CCDC149: variants seen among roughly 807,000 people sequenced by gnomAD.
The protein encoded by CCDC149 is coiled-coil domain containing 149.
In CCDC149, 45 loss-of-function variants were observed where a neutral mutation model predicts 59.9. The ratio of observed to expected loss-of-function variants is 0.75; its 90% CI spans 0.59 to 0.96. The LOEUF is 0.96. CCDC149 is among the 40% of genes least tolerant of loss of function. The pLI, the probability that CCDC149 is intolerant of heterozygous loss-of-function variation, is 0.00. For synonymous variants in CCDC149, 245 were observed against 260.6 expected (o/e 0.94, Z 0.58); for missense variants, 584 against 664.7 (o/e 0.88, Z 1.33).
intron 1 of CCDC149, among the ~76,000 whole-genome samples, chr4:24,918,401 T>C (rs1208006297): frequency 1.3e-5 from 2 of 152,196 alleles, no homozygotes; most frequent in African/African-American, 4.8e-5. Flanking sequence ...CGGATGTTGA[T>C]TTTTATCCAT....
chr4:24,915,093 G>A (rs1722086912), upstream of CCDC149, among the ~76,000 whole-genome samples: 3 of 152,192 alleles, frequency 2.0e-5, no homozygotes, highest in South Asian at 6.2e-4. Flanking sequence ...GACCATTCTG[G>A]GCTGCCTAAC....
At chr4:24,862,547 T>C (rs556520891) in intron 3 of CCDC149, among the ~76,000 whole-genome samples, 1 of 152,322 alleles carries the variant, frequency 6.6e-6, no homozygotes, top group Admixed American at 6.5e-5. Context: ...TATACTTACA[T>C]GATTGCTGGT....
At chr4:24,882,846 TAC>T (rs1314525288) in intron 1 of CCDC149, among the ~76,000 whole-genome samples, 1 of 152,232 alleles carries the variant, frequency 6.6e-6, no homozygotes, top group African/African-American at 2.4e-5. Context: ...TACAAATCTC[TAC>T]AGTCTCGATG....
At chr4:24,931,825 GTATGTA>G (rs1244804795) in intron 1 of CCDC149, among the ~76,000 whole-genome samples, 20 of 70,456 alleles carry the variant, frequency 2.8e-4, no homozygotes, top group African/African-American at 4.1e-4. Context: ...TGTATGGAGA[GTATGTA>G]TATATATATA....
At chr4:24,826,253 C>A (rs1715732012) in intron 9 of CCDC149, among the ~76,000 whole-genome samples, 1 of 152,124 alleles carries the variant, frequency 6.6e-6, no homozygotes, top group South Asian at 2.1e-4. Context: ...AGCCACCGTG[C>A]CCAGCCCAGT....
At chr4:24,886,187 T>C (rs1040123961) in intron 1 of CCDC149, among the ~76,000 whole-genome samples, 2 of 152,166 alleles carry the variant, frequency 1.3e-5, no homozygotes, top group Admixed American at 1.3e-4. Context: ...CAAAGGAATA[T>C]ATTGGAAGGA....
intron 1 of CCDC149, among the ~76,000 whole-genome samples, chr4:24,887,900 T>G (rs1720289545): frequency 6.6e-6 from 1 of 152,122 alleles, no homozygotes; most frequent in African/African-American, 2.4e-5. Flanking sequence ...CATCATCAGC[T>G]CTTCTACTCC....
intron 1 of CCDC149, among the ~76,000 whole-genome samples, chr4:24,924,193 A>G (rs896280316): frequency 2.0e-5 from 3 of 152,140 alleles, no homozygotes; most frequent in African/African-American, 7.2e-5. Context: ...ACTCTGACCC[A>G]AAAGATCTTA....
chr4:24,938,591 C>A (rs191166649), intron 1 of CCDC149, among the ~76,000 whole-genome samples: 1 of 152,136 alleles, frequency 6.6e-6, no homozygotes, highest in African/African-American at 2.4e-5. Flanking sequence ...CGAAGCAGGG[C>A]GAGGAATCAC....
chr4:24,932,918 G>A (rs916356988), intron 1 of CCDC149, among the ~76,000 whole-genome samples: 13 of 152,284 alleles, frequency 8.5e-5, no homozygotes, highest in Admixed American at 5.9e-4. Flanking sequence ...TCTGGGAGAG[G>A]AGCCTTGTTC....
chr4:24,934,383 C>T (rs1722675640), intron 1 of CCDC149, among the ~76,000 whole-genome samples: 1 of 152,204 alleles, frequency 6.6e-6, no homozygotes, highest in Admixed American at 6.5e-5. Context: ...CTTTGCTTTC[C>T]ACCAGTGTTG....
intron 1 of CCDC149, among the ~76,000 whole-genome samples, chr4:24,905,403 TTGCGTGCGTGCG>T (rs747658690): frequency 1.4e-5 from 2 of 141,170 alleles, no homozygotes; most frequent in African/African-American, 5.4e-5. Context: ...TTCTTTCTTT[TTGCGTGCGTGCG>T]TGTGTGTGTG....
rs374972531 is a variant in CCDC149, at chr4:24,854,711, C to T, written c.265-1532G>A. On this transcript the variant is annotated intron_variant, in intron 3 of 12. Coordinates refer to ENST00000635206, the MANE Select transcript of CCDC149 (RefSeq NM_001330643.2). ...AAGATAACGATTACATGTTGGCTGACCTCCCGTATCCCATTTGTTGGGATA... is the reference window on the plus strand; with the variant it reads ...AAGATAACGATTACATGTTGGCTGATCTCCCGTATCCCATTTGTTGGGATA... 2.0e-5 allele frequency among the ~76,000 whole-genome samples: 3 copies of T among 152,288 alleles called. No individual in the cohort carries two copies. The East Asian group carries it at 5.8e-4, about 29-fold the overall frequency.
At chr4:24,818,592 C>A (rs1468519858) in intron 12 of CCDC149, among the ~76,000 whole-genome samples, 1 of 152,220 alleles carries the variant, frequency 6.6e-6, no homozygotes, top group Non-Finnish European at 1.5e-5. Context: ...CTGACCAGGG[C>A]TGTTGGCATC....
At chr4:24,813,491 T>TATATATATATATATATATATATAC (rs1714771793) in intron 12 of CCDC149, among the ~76,000 whole-genome samples, 1 of 5,508 alleles carries the variant, frequency 1.8e-4, no homozygotes, top group African/African-American at 2.7e-4. Flanking sequence ...GCTTGGGGAA[T>TATATATATATATATATATATATAC]ATATATATAT....
intron 1 of CCDC149, among the ~76,000 whole-genome samples, chr4:24,930,907 T>C (rs1415556087): frequency 1.3e-5 from 2 of 152,210 alleles, no homozygotes; most frequent in Non-Finnish European, 2.9e-5. Flanking sequence ...AGGGACCCTC[T>C]GGCACAAACT....
intron 1 of CCDC149, among the ~76,000 whole-genome samples, chr4:24,952,627 ATATATATATATATATAT>A (rs1297457104): frequency 3.2e-4 from 3 of 9,338 alleles, no homozygotes; most frequent in Non-Finnish European, 5.7e-4. Context: ...AAAAAAAAAA[ATATATATATATATATAT>A]ATATATATAT....
At chr4:24,858,156 C>T (rs1577417572) in intron 3 of CCDC149, among the ~76,000 whole-genome samples, 1 of 152,204 alleles carries the variant, frequency 6.6e-6, no homozygotes, top group African/African-American at 2.4e-5. Flanking sequence ...CAAGCTAACA[C>T]ACGGTGCCTG....
chr4:24,874,244 G>GTTGTTTTTTTTTT (rs1719241446), intron 2 of CCDC149, among the ~76,000 whole-genome samples: 1 of 87,484 alleles, frequency 1.1e-5, no homozygotes, highest in Non-Finnish European at 2.0e-5. Context: ...TATTAGATTT[G>GTTGTTTTTTTTTT]TTTTTTTTTT....
Sources: allele counts gnomAD v4.1 joint callset (sites outside exome capture counted in the v4.1 genomes callset), GRCh38; gene constraint gnomAD v4.1.1; transcripts MANE v1.5; gene names NCBI Gene and HGNC (gene_info 2026-07-23, HGNC 2026-07-21).